The following MYCBP2 variants were observed in gnomAD, a reference collection of about 807,000 sequenced individuals.
The protein encoded by MYCBP2 is E3 ubiquitin-protein ligase MYCBP2.
In MYCBP2, 120 loss-of-function variants were observed where a neutral mutation model predicts 525.3. The observed-to-expected ratio is 0.23, with a 90% CI of 0.20 to 0.27. The LOEUF is 0.27. Ranked by LOEUF, MYCBP2 falls within the 10% of genes least tolerant of loss-of-function variation. The pLI is 1.00. For missense variants in MYCBP2, 4,149 were observed against 5,657.1 expected (o/e 0.73, Z 8.55); for synonymous variants, 1,894 against 1,955.8 (o/e 0.97, Z 0.83).
intron 55 of MYCBP2, among the ~76,000 whole-genome samples, chr13:77,108,382 G>A (rs978712653): frequency 6.6e-6 from 1 of 152,034 alleles, no homozygotes; most frequent in African/African-American, 2.4e-5. Context: ...TAATTTGATG[G>A]GTATATATCT....
intron 23 of MYCBP2, among the ~76,000 whole-genome samples, chr13:77,207,798 T>C (rs74700316): frequency 0.029 from 4,473 of 152,244 alleles, 95 homozygotes; most frequent in East Asian, 0.052. Flanking sequence ...GATTTCCCCT[T>C]GGTCTTTAGT....
intron 8 of MYCBP2, among the ~76,000 whole-genome samples, chr13:77,266,036 C>T (rs909975772): frequency 5.9e-5 from 9 of 152,084 alleles, no homozygotes; most frequent in African/African-American, 1.9e-4. Context: ...AACAAAGCAA[C>T]GAGATTTAAA....
chr13:77,248,141 T>TA (rs767279659), intron 15 of MYCBP2, among the ~76,000 whole-genome samples: 8 of 10,782 alleles, frequency 7.4e-4, no homozygotes, highest in Admixed American at 1.3e-3. Context: ...TAAAGTATAA[T>TA]CAAAAAAAAA....
chr13:77,307,672 T>TAA (rs2154373678), intron 1 of MYCBP2, among the ~76,000 whole-genome samples: 1 of 150,994 alleles, frequency 6.6e-6, no homozygotes, highest in African/African-American at 2.4e-5. Context: ...GTATTGAAGT[T>TAA]TTTTAACACC....
At chr13:77,287,506 A>C (rs1199533798) in intron 3 of MYCBP2, among the ~76,000 whole-genome samples, 2 of 152,144 alleles carry the variant, frequency 1.3e-5, no homozygotes, top group Non-Finnish European at 2.9e-5. Flanking sequence ...TGCTTCTATT[A>C]TAGAAATACC....
At chr13:77,139,976 CTTA>C (rs1259390085) in intron 51 of MYCBP2, 68 bp downstream of exon 51, 13 of 986,516 alleles carry the variant, frequency 1.3e-5, no homozygotes, top group African/African-American at 1.6e-5. Flanking sequence ...ACTCAGTAAC[CTTA>C]TTATTATGCA....
At chr13:77,196,295 T>C (rs1312081760) in intron 26 of MYCBP2, among the ~76,000 whole-genome samples, 2 of 152,204 alleles carry the variant, frequency 1.3e-5, no homozygotes, top group African/African-American at 4.8e-5. Flanking sequence ...CCAGTTCTGA[T>C]GGGGACTTTG....
chr13:77,173,268 T>C (rs144830142), intron 37 of MYCBP2, among the ~76,000 whole-genome samples: 26 of 152,322 alleles, frequency 1.7e-4, no homozygotes, highest in African/African-American at 5.8e-4. Context: ...TTGTATAAGA[T>C]ATAAAGTTTG....
intron 33 of MYCBP2, among the ~76,000 whole-genome samples, chr13:77,181,102 G>A (rs1419900428): frequency 6.6e-6 from 1 of 152,028 alleles, no homozygotes; most frequent in Non-Finnish European, 1.5e-5. Flanking sequence ...TTTCCTAAGT[G>A]GAGATAAGAA....
rs139729113 is a variant in MYCBP2, at chr13:77,186,025, G to A, written c.4290C>T (p.Ser1430=). ...CAACTCCTAAGACTAAGGTGGTCCA[G>A]CTCCAGTGAAGAATACTCAACAATG... The part of the protein sequence containing the change: ...FESLLSILHW[S]WTTLVLGVEE... Residue 1430 remains serine (S), a synonymous_variant, in exon 31 of 83, where the codon AGC becomes AGT. Transcript: ENST00000544440. 3.1e-6 allele frequency: 5 copies of A among 1,608,080 alleles called. No individual in the cohort carries two copies. The African/African-American group carries it at 6.7e-5, about 22-fold the overall frequency.
chr13:77,201,699 G>C (rs1398342723), intron 26 of MYCBP2, among the ~76,000 whole-genome samples: 1 of 151,812 alleles, frequency 6.6e-6, no homozygotes, highest in Non-Finnish European at 1.5e-5. Flanking sequence ...CTGTCTCTCA[G>C]ACCACAGTGC....
chr13:77,112,682 T>C (rs747529490), intron 55 of MYCBP2, among the ~76,000 whole-genome samples: 5 of 152,152 alleles, frequency 3.3e-5, no homozygotes, highest in Non-Finnish European at 7.4e-5. Context: ...CAAGCCATCC[T>C]TCTACCTTGG....
At chr13:77,199,799 C>T (rs1324452014) in intron 26 of MYCBP2, among the ~76,000 whole-genome samples, 2 of 152,182 alleles carry the variant, frequency 1.3e-5, no homozygotes, top group African/African-American at 2.4e-5. Flanking sequence ...CCTCACACTG[C>T]CTGGTACTCC....
chr13:77,078,449 C>T (rs1240062023), intron 66 of MYCBP2, among the ~76,000 whole-genome samples: 2 of 152,130 alleles, frequency 1.3e-5, no homozygotes, highest in East Asian at 1.9e-4. Flanking sequence ...TTATAACAGA[C>T]AGATTTTTCA....
chr13:77,049,243 C>T (rs1566267400), intron 82 of MYCBP2, among the ~76,000 whole-genome samples: 1 of 152,126 alleles, frequency 6.6e-6, no homozygotes, highest in Non-Finnish European at 1.5e-5. Context: ...TCCTCCATAA[C>T]CTGGCTTCAC....
chr13:77,219,345 A>G (rs2154290873), intron 20 of MYCBP2, among the ~76,000 whole-genome samples: 3 of 152,216 alleles, frequency 2.0e-5, no homozygotes, highest in Middle Eastern at 6.8e-3. Flanking sequence ...CAGGCACCAC[A>G]ATGCAGCAGA....
intron 55 of MYCBP2, among the ~76,000 whole-genome samples, chr13:77,116,453 C>A (rs1033962819): frequency 3.3e-5 from 5 of 151,888 alleles, no homozygotes; most frequent in Non-Finnish European, 7.4e-5. Flanking sequence ...AAATACAATT[C>A]TGAATTATTT....
At chr13:77,205,444 C>A (rs1319945569) in intron 25 of MYCBP2, 29 bp downstream of exon 25, 1 of 1,611,704 alleles carries the variant, frequency 6.2e-7, no homozygotes, top group East Asian at 2.2e-5. Flanking sequence ...AGTTGTAAGA[C>A]AACATTTCCT....
intron 54 of MYCBP2, among the ~76,000 whole-genome samples, chr13:77,123,515 T>A (rs188796270): frequency 8.5e-5 from 13 of 152,362 alleles, no homozygotes; most frequent in South Asian, 2.1e-4. Flanking sequence ...TAACTTACCA[T>A]CCATTAGCTT....
Sources: allele counts gnomAD v4.1 joint callset (sites outside exome capture counted in the v4.1 genomes callset), GRCh38; gene constraint gnomAD v4.1.1; transcripts MANE v1.5; gene names NCBI Gene and HGNC (gene_info 2026-07-23, HGNC 2026-07-21).